The following GALNT2 variants were observed in gnomAD, a reference collection of about 807,000 sequenced individuals.
GALNT2 encodes the protein UDP-GalNAc:polypeptide N-acetylgalactosaminyltransferase 2.
GALNT2 carries 31 observed loss-of-function variants against 81.4 expected under a neutral mutation model. The observed-to-expected ratio is 0.38, with a 90% CI of 0.29 to 0.51. GALNT2 has a LOEUF of 0.51. GALNT2 is among the 20% of genes least tolerant of loss of function. GALNT2 has a pLI of 0.87. For missense variants in GALNT2, 629 were observed against 765.7 expected (o/e 0.82, Z 2.11); for synonymous variants, 303 against 287.4 (o/e 1.05, Z -0.55).
At chr1:230,154,066 C>G (rs1382284321) in intron 1 of GALNT2, among the ~76,000 whole-genome samples, 1 of 152,216 alleles carries the variant, frequency 6.6e-6, no homozygotes, top group Non-Finnish European at 1.5e-5. Flanking sequence ...TTCTTGGGGC[C>G]TCAGTGCTTT....
intron 1 of GALNT2, among the ~76,000 whole-genome samples, chr1:230,148,332 G>A (rs1215874939): frequency 2.0e-5 from 3 of 152,202 alleles, no homozygotes; most frequent in African/African-American, 4.8e-5. Flanking sequence ...GAAAGGGGGC[G>A]TTTTCAGGGC....
chr1:230,116,237 C>CT (rs943656261), intron 1 of GALNT2, among the ~76,000 whole-genome samples: 1,942 of 147,832 alleles, frequency 0.013, 29 homozygotes, highest in African/African-American at 0.043. Context: ...AAACATCTTT[C>CT]TTTTTTTTTT....
intron 1 of GALNT2, among the ~76,000 whole-genome samples, chr1:230,134,152 A>G (rs1661461459): frequency 1.4e-5 from 2 of 140,526 alleles, no homozygotes; most frequent in East Asian, 2.1e-4. Flanking sequence ...CTCTGTCACC[A>G]GGCTGGAATG....
Position 230,277,469 on chromosome 1 carries a change from A to G in GALNT2, c.1561-1834A>G, listed in dbSNP as rs563857874. 1.9e-3 allele frequency among the ~76,000 whole-genome samples: 283 copies of G among 152,352 alleles called. 1 individual carries two copies. Among genetic ancestry groups the G allele is most frequent in the African/African-American group, 6.5e-3 (272 of 41,576 alleles). Reference sequence around the variant, plus strand: ...AAGATTCCTGGCTGCTCAGAGTAACAGGGCAGCCTCAATACATACACACTT... The same window carrying G: ...AAGATTCCTGGCTGCTCAGAGTAACGGGGCAGCCTCAATACATACACACTT... On this transcript the variant is annotated intron_variant, in intron 15 of 15. Coordinates refer to ENST00000366672, the MANE Select transcript of GALNT2 (RefSeq NM_004481.5).
At chr1:230,265,018 T>A in intron 13 of GALNT2, 10 of 415,624 alleles carry the variant, frequency 2.4e-5, no homozygotes, top group South Asian at 8.0e-5. Context: ...ATATAAAGAA[T>A]ACTTCTGCAA....
intron 2 of GALNT2, among the ~76,000 whole-genome samples, chr1:230,182,840 A>G (rs1338926317): frequency 1.3e-5 from 2 of 152,228 alleles, no homozygotes; most frequent in African/African-American, 2.4e-5. Context: ...TTGAGGTCTC[A>G]AACTATAACA....
chr1:230,259,135 T>C (rs1390819819), intron 11 of GALNT2: 1 of 152,254 alleles, frequency 6.6e-6, no homozygotes, highest in African/African-American at 2.4e-5. Flanking sequence ...CTGAGGTCTC[T>C]TTCCAGCTGC....
At chr1:230,249,156 A>G in intron 8 of GALNT2, 28 bp from the exon 9 acceptor site, 1 of 1,607,016 alleles carries the variant, frequency 6.2e-7, no homozygotes. Flanking sequence ...TCTCTTGTCA[A>G]CACCCTGTTT....
At position 230,275,413 on chromosome 1, in the gene GALNT2, ACAC is replaced by A. The variant is rs1666269987; in HGVS notation, c.1560+853_1560+855del. Among the ~76,000 whole-genome samples the A allele has an allele frequency of 4.0e-5, 6 of 151,346 alleles. No individual in the cohort carries two copies. In the South Asian group the frequency reaches 1.0e-3, roughly 26 times the overall value. On this transcript the variant is annotated intron_variant, in intron 15 of 15. Coordinates refer to ENST00000366672, the MANE Select transcript of GALNT2 (RefSeq NM_004481.5). The surrounding 1 kb of genome is among the most constrained non-coding windows in gnomAD (Gnocchi z 5.5). ...ACACGCCACATATATACATATGTAA[ACAC>A]CACATATATACACACCACATATATA...
In GALNT2 at chr1:230,148,829, C is replaced by T. The variant is rs578086804; in HGVS notation, c.127-29389C>T. Among the ~76,000 whole-genome samples, 6 of 151,944 alleles carry T rather than the reference C, an allele frequency of 3.9e-5. No homozygotes were observed. The South Asian group carries it at 1.2e-3, about 32-fold the overall frequency. Reference sequence around the variant, plus strand: ...CTCAAACTCCTGGGCCCAAGAGATCCACCCACCTCACCCTCCCAAAGTGTT... The same window carrying T: ...CTCAAACTCCTGGGCCCAAGAGATCTACCCACCTCACCCTCCCAAAGTGTT... On this transcript the variant is annotated intron_variant, in intron 1 of 15. Coordinates refer to ENST00000366672, the MANE Select transcript of GALNT2 (RefSeq NM_004481.5).
Position 230,214,484 on chromosome 1 carries a change from G to A in GALNT2, c.374+11194G>A, listed in dbSNP as rs190998177. 4.6e-5 allele frequency among the ~76,000 whole-genome samples: 7 copies of A among 152,298 alleles called. No individual in the cohort carries two copies. In the South Asian group the frequency reaches 6.2e-4, roughly 14 times the overall value. The stretch of plus-strand genomic sequence containing the variant: ...TGACAGTGACTGTCAGCACCTTTAC[G>A]TTGTCTTTCAGTTGTCTTCTGTTTT... On this transcript the variant is annotated intron_variant, in intron 3 of 15. Transcript: ENST00000366672.
chr1:230,074,843 C>G (rs1481542869), intron 1 of GALNT2, among the ~76,000 whole-genome samples: 1 of 152,164 alleles, frequency 6.6e-6, no homozygotes, highest in Non-Finnish European at 1.5e-5. Context: ...GTGACTTTCC[C>G]AAGGTCACAG....
At chr1:230,113,417 C>T (rs563371819) in intron 1 of GALNT2, among the ~76,000 whole-genome samples, 3 of 152,110 alleles carry the variant, frequency 2.0e-5, no homozygotes, top group Non-Finnish European at 2.9e-5. Flanking sequence ...AGCTGCAGGG[C>T]GGAGCTGCTG....
rs1246745589 is a variant in GALNT2 at position 230,275,281 on chromosome 1, A to C, written c.1560+717A>C. Among the ~76,000 whole-genome samples the C allele has an allele frequency of 2.0e-5, 3 of 151,826 alleles. No homozygotes were observed. The highest frequency in any genetic ancestry group is 3.9e-4 in the East Asian group (2 of 5,184). On this transcript the variant is annotated intron_variant, in intron 15 of 15. Transcript: ENST00000366672. This position sits in a 1 kb window ranked among gnomAD's most constrained non-coding sequence, Gnocchi z 5.5. ...ATATACACACCACATGTATACGTAT[A>C]TATAGATGCCACATTTATACATATA...
intron 1 of GALNT2, among the ~76,000 whole-genome samples, chr1:230,112,723 C>T (rs1350838319): frequency 3.8e-5 from 5 of 130,926 alleles, no homozygotes; most frequent in African/African-American, 1.1e-4. Flanking sequence ...AGTTGTGCTG[C>T]GGAGATTCCT....
At chr1:230,161,287 C>G (rs1399136686) in intron 1 of GALNT2, among the ~76,000 whole-genome samples, 1 of 152,174 alleles carries the variant, frequency 6.6e-6, no homozygotes, top group Non-Finnish European at 1.5e-5. Context: ...TCTCCACATG[C>G]CCCAGTAGCA....
At chr1:230,277,257 C>T (rs890046360) in intron 15 of GALNT2, among the ~76,000 whole-genome samples, 1 of 152,116 alleles carries the variant, frequency 6.6e-6, no homozygotes, top group African/African-American at 2.4e-5. Context: ...AATCTGCGCT[C>T]CCCACCCCCA....
chr1:230,276,765 G>A (rs867545182), intron 15 of GALNT2, among the ~76,000 whole-genome samples: 1 of 152,194 alleles, frequency 6.6e-6, no homozygotes, highest in Admixed American at 6.5e-5. Context: ...ATACCAAAAT[G>A]TGTAAGGGAG....
chr1:230,250,678 A>T (rs756143088), intron 10 of GALNT2, 118 bp downstream of exon 10: 48 of 654,264 alleles, frequency 7.3e-5, no homozygotes, highest in Admixed American at 1.2e-4. Flanking sequence ...GGCTTAATCG[A>T]TCCTTGCAAA....
Sources: gnomAD v4.1 joint callset for allele counts (sites outside exome capture counted in the v4.1 genomes callset) on GRCh38, gnomAD v4.1.1 for gene constraint, Gnocchi (gnomAD v3.1) non-coding constraint, MANE v1.5 for transcripts, NCBI Gene and HGNC (gene_info 2026-07-23, HGNC 2026-07-21) for gene names.